LPXN: variants seen among roughly 807,000 people sequenced by gnomAD.
LPXN encodes the protein leupaxin.
Under a neutral mutation model 45.6 loss-of-function variants are expected in LPXN, and 28 were observed. The ratio of observed to expected loss-of-function variants is 0.61; its 90% CI spans 0.45 to 0.84. The LOEUF is 0.84. Ranked by LOEUF, LPXN falls within the 40% of genes least tolerant of loss-of-function variation. The pLI is 0.00. For missense variants in LPXN, 459 were observed against 475.0 expected (o/e 0.97, Z 0.31); for synonymous variants, 166 against 169.9 (o/e 0.98, Z 0.18).
At chr11:58,546,655 A>G (rs1853883526) in intron 7 of LPXN, among the ~76,000 whole-genome samples, 1 of 152,204 alleles carries the variant, frequency 6.6e-6, no homozygotes, top group African/African-American at 2.4e-5. Flanking sequence ...AGTCAAGTCT[A>G]CCAGTCAACA....
At chr11:58,533,966 A>G (rs1166159544) in intron 7 of LPXN, among the ~76,000 whole-genome samples, 8 of 152,244 alleles carry the variant, frequency 5.3e-5, no homozygotes, top group Non-Finnish European at 1.2e-4. Flanking sequence ...TGCAACAGGA[A>G]GAACTAACTA....
At chr11:58,575,680 C>T in intron 1 of LPXN, 80 bp downstream of exon 1, 1 of 1,511,010 alleles carries the variant, frequency 6.6e-7, no homozygotes, top group Non-Finnish European at 9.2e-7. Context: ...TCAGTCTAGC[C>T]AGAAGTATAC....
chr11:58,578,246 G>C, upstream of LPXN: 1 of 588,786 alleles, frequency 1.7e-6, no homozygotes, highest in African/African-American at 1.9e-5. Flanking sequence ...ACCTAACCCG[G>C]AAACACTGCC....
intron 4 of LPXN, among the ~76,000 whole-genome samples, 194 bp from the exon 5 acceptor site, chr11:58,551,426 C>T (rs919226415): frequency 1.1e-4 from 16 of 152,192 alleles, no homozygotes; most frequent in Non-Finnish European, 2.4e-4. Flanking sequence ...CTAAACTCCT[C>T]AGGCCAAATG....
intron 7 of LPXN, among the ~76,000 whole-genome samples, chr11:58,535,202 G>A (rs1446609945): frequency 1.3e-5 from 2 of 152,018 alleles, no homozygotes; most frequent in African/African-American, 4.8e-5. Flanking sequence ...ACCAAAACAC[G>A]GCAGAGACAC....
At chr11:58,553,142 T>TCTGGGC (rs951560032) in intron 4 of LPXN, among the ~76,000 whole-genome samples, 15 of 151,946 alleles carry the variant, frequency 9.9e-5, no homozygotes, top group Non-Finnish European at 1.5e-4. Context: ...TTGAGACCAG[T>TCTGGGC]CTGGGCAACA....
intron 2 of LPXN, among the ~76,000 whole-genome samples, chr11:58,568,665 T>C (rs1207117401): frequency 1.3e-5 from 2 of 151,634 alleles, no homozygotes; most frequent in South Asian, 2.1e-4. Flanking sequence ...GATGAGACCA[T>C]GGAAGAAGCT....
At chr11:58,545,395 A>G (rs1853848137) in intron 7 of LPXN, among the ~76,000 whole-genome samples, 1 of 152,176 alleles carries the variant, frequency 6.6e-6, no homozygotes, top group Admixed American at 6.5e-5. Flanking sequence ...AATGATCCAT[A>G]GGCAGTATTC....
intron 7 of LPXN, among the ~76,000 whole-genome samples, chr11:58,536,212 A>G (rs1853548880): frequency 6.6e-6 from 1 of 152,226 alleles, no homozygotes; most frequent in Non-Finnish European, 1.5e-5. Flanking sequence ...GACAATCCTA[A>G]GCAAAAAGAA....
intron 7 of LPXN, among the ~76,000 whole-genome samples, chr11:58,532,564 A>G (rs571195241): frequency 7.3e-5 from 11 of 151,508 alleles, no homozygotes; most frequent in African/African-American, 2.4e-4. Flanking sequence ...CTCTGTGTCT[A>G]GCTAATCTAG....
intron 7 of LPXN, among the ~76,000 whole-genome samples, chr11:58,530,851 G>A (rs1432852847): frequency 1.3e-5 from 2 of 152,338 alleles, no homozygotes; most frequent in South Asian, 4.1e-4. Context: ...GCTTCCAAAG[G>A]AAGGAACAGG....
chr11:58,537,234 C>T (rs956336926), intron 7 of LPXN, among the ~76,000 whole-genome samples: 1 of 152,200 alleles, frequency 6.6e-6, no homozygotes, highest in African/African-American at 2.4e-5. Flanking sequence ...CAGTACTATT[C>T]ACAAAAGCAA....
chr11:58,543,933 A>C (rs2510551), intron 7 of LPXN, among the ~76,000 whole-genome samples: 145,263 of 152,228 alleles, frequency 0.95, 69,494 homozygotes, highest in South Asian at 0.99. Context: ...GGTGTTGGGA[A>C]CCAAACCATA....
intron 7 of LPXN, among the ~76,000 whole-genome samples, chr11:58,544,765 C>T (rs756560409): frequency 1.3e-5 from 2 of 152,144 alleles, no homozygotes; most frequent in African/African-American, 4.8e-5. Context: ...AGTGTTTATA[C>T]TCTGGTGAGG....
intron 2 of LPXN, among the ~76,000 whole-genome samples, chr11:58,569,993 A>G (rs1395401926): frequency 6.6e-6 from 1 of 152,028 alleles, no homozygotes; most frequent in African/African-American, 2.4e-5. Flanking sequence ...GCCTGTGACC[A>G]TGTGCTCATT....
At chr11:58,548,714 C>G (rs1186747863) in intron 7 of LPXN, among the ~76,000 whole-genome samples, 2 of 152,260 alleles carry the variant, frequency 1.3e-5, no homozygotes, top group East Asian at 3.9e-4. Context: ...CTCATAACAA[C>G]CCTATAAGGT....
At chr11:58,564,114 T>G (rs761404127) in intron 3 of LPXN, 41 bp downstream of exon 3, 1 of 1,247,690 alleles carries the variant, frequency 8.0e-7, no homozygotes, top group Non-Finnish European at 1.2e-6. Context: ...AATTATCTAC[T>G]AACTTTAATT....
chr11:58,536,634 G>A (rs776317518), intron 7 of LPXN, among the ~76,000 whole-genome samples: 2 of 152,108 alleles, frequency 1.3e-5, no homozygotes, highest in Admixed American at 1.3e-4. Context: ...AAAAGCAATG[G>A]CTACAAAAGC....
chr11:58,555,739 AACAC>A (rs139423306), intron 3 of LPXN, among the ~76,000 whole-genome samples: 3 of 135,400 alleles, frequency 2.2e-5, no homozygotes, highest in South Asian at 2.5e-4. Context: ...TAGCAATGAA[AACAC>A]ACACACACAC....
Sources: allele counts gnomAD v4.1 joint callset (sites outside exome capture counted in the v4.1 genomes callset), GRCh38; gene constraint gnomAD v4.1.1; transcripts MANE v1.5; gene names NCBI Gene and HGNC (gene_info 2026-07-23, HGNC 2026-07-21).